The following POLR3B variants were observed in gnomAD, a reference collection of about 807,000 sequenced individuals.
POLR3B encodes RNA polymerase III subunit B, also known as DNA-directed RNA polymerase III subunit RPC2.
POLR3B carries 96 observed loss-of-function variants against 147.4 expected under a neutral mutation model. That is an observed-to-expected ratio of 0.65 (90% CI 0.55 to 0.77). POLR3B has a LOEUF of 0.77. POLR3B is among the 30% of genes least tolerant of loss of function. POLR3B has a pLI of 0.00. For missense variants in POLR3B, 1,036 were observed against 1,413.5 expected, an observed-to-expected ratio of 0.73 and a Z score of 4.28; for synonymous variants, 461 against 485.9, an observed-to-expected ratio of 0.95 and a Z score of 0.67.
intron 12 of POLR3B, among the ~76,000 whole-genome samples, chr12:106,411,993 C>T (rs2037233294): frequency 6.6e-6 from 1 of 152,254 alleles, no homozygotes; most frequent in East Asian, 1.9e-4. Flanking sequence ...TTTTTATTTA[C>T]ATCCTTGTAT....
chr12:106,471,865 CTT>C (rs557095732), intron 23 of POLR3B, among the ~76,000 whole-genome samples: 4 of 143,608 alleles, frequency 2.8e-5, no homozygotes, highest in Admixed American at 7.0e-5. Flanking sequence ...CAAAGCAGTG[CTT>C]TTTTTTTTTT....
At chr12:106,433,901 T>C (rs779845811) in intron 16 of POLR3B, 29 bp downstream of exon 16, 2 of 1,580,894 alleles carry the variant, frequency 1.3e-6, no homozygotes, top group Non-Finnish European at 1.7e-6. Context: ...AAAAAGAGTT[T>C]TTAAGAATCT....
intron 9 of POLR3B, among the ~76,000 whole-genome samples, 153 bp downstream of exon 9, chr12:106,380,292 G>A (rs1252772867): frequency 1.3e-5 from 2 of 151,982 alleles, no homozygotes; most frequent in Non-Finnish European, 2.9e-5. Flanking sequence ...ATTGAAAGCT[G>A]GCTGGGCGTG....
intron 23 of POLR3B, 126 bp from the exon 24 acceptor site, chr12:106,495,929 T>C: frequency 1.3e-6 from 1 of 774,220 alleles, no homozygotes; most frequent in Non-Finnish European, 2.4e-6. Context: ...TTGCTCTTGA[T>C]AGAGGCCATG....
At chr12:106,446,967 T>C (rs1415696422) in intron 19 of POLR3B, among the ~76,000 whole-genome samples, 2 of 152,200 alleles carry the variant, frequency 1.3e-5, no homozygotes, top group Non-Finnish European at 2.9e-5. Flanking sequence ...AGGTCTGTAA[T>C]GCAGACTTCG....
At chr12:106,407,377 C>T (rs890833928) in intron 11 of POLR3B, among the ~76,000 whole-genome samples, 2 of 152,052 alleles carry the variant, frequency 1.3e-5, no homozygotes, top group African/African-American at 2.4e-5. Context: ...TGTGATGATT[C>T]GGAGATATAA....
intron 23 of POLR3B, 83 bp from the exon 24 acceptor site, chr12:106,495,972 G>T: frequency 3.6e-6 from 3 of 827,952 alleles, no homozygotes; most frequent in Non-Finnish European, 6.5e-6. Flanking sequence ...AATAGAGATA[G>T]CAGCGGGGAG....
chr12:106,371,332 C>T (rs1043544190), intron 6 of POLR3B, among the ~76,000 whole-genome samples: 8 of 152,170 alleles, frequency 5.3e-5, no homozygotes, highest in East Asian at 1.9e-4. Context: ...CACATTTACT[C>T]TGTTGGTGGG....
At chr12:106,445,009 T>C (rs1045179975) in intron 19 of POLR3B, among the ~76,000 whole-genome samples, 1 of 152,190 alleles carries the variant, frequency 6.6e-6, no homozygotes, top group Non-Finnish European at 1.5e-5. Context: ...ACCTAGTAAT[T>C]GCCTGATTGA....
intron 23 of POLR3B, among the ~76,000 whole-genome samples, chr12:106,472,431 T>C (rs1451403767): frequency 5.4e-5 from 8 of 148,590 alleles, no homozygotes; most frequent in Non-Finnish European, 9.0e-5. Flanking sequence ...CCCTGAGGAA[T>C]CGCCACACTG....
At chr12:106,506,612 T>C (rs2038692240) in intron 27 of POLR3B, among the ~76,000 whole-genome samples, 1 of 152,220 alleles carries the variant, frequency 6.6e-6, no homozygotes, top group Non-Finnish European at 1.5e-5. Context: ...CTGATGGCAG[T>C]GTCTGATTTT....
At chr12:106,417,524 A>G (rs1221124484) in intron 12 of POLR3B, among the ~76,000 whole-genome samples, 1 of 152,140 alleles carries the variant, frequency 6.6e-6, no homozygotes, top group Non-Finnish European at 1.5e-5. Flanking sequence ...CGAAGAGTGG[A>G]CCGGCTAGAA....
chr12:106,459,681 A>G (rs896228445), intron 22 of POLR3B, among the ~76,000 whole-genome samples: 7 of 152,138 alleles, frequency 4.6e-5, no homozygotes, highest in Non-Finnish European at 8.8e-5. Flanking sequence ...CTAGGTTGTG[A>G]AAGAGTTGGG....
chr12:106,357,840 C>A lies in POLR3B; in HGVS notation c.-40C>A, dbSNP rs1259261264. 6.3e-7 allele frequency: 1 copy of A among 1,591,996 alleles called. No homozygotes were observed. The highest frequency in any genetic ancestry group is 2.3e-5 in the East Asian group (1 of 44,404). ...GTTTGCTTGGTGCAGGGAAGGCGGG[C>A]GCGGAGGTTCTATCTGTTTCTTCCT... On this transcript the variant is annotated 5_prime_UTR_variant, in exon 1 of 28. Coordinates refer to ENST00000228347, the MANE Select transcript of POLR3B (RefSeq NM_018082.6).
At chr12:106,358,861 T>C (rs2036426484) in intron 1 of POLR3B, among the ~76,000 whole-genome samples, 1 of 152,164 alleles carries the variant, frequency 6.6e-6, no homozygotes, top group Non-Finnish European at 1.5e-5. Flanking sequence ...GCTTGGACTT[T>C]GTCTTGGAGC....
intron 19 of POLR3B, among the ~76,000 whole-genome samples, chr12:106,453,028 T>TC (rs369792568): frequency 7.5e-5 from 11 of 145,950 alleles, no homozygotes; most frequent in African/African-American, 2.5e-4. Flanking sequence ...CTTTTCTTCT[T>TC]TTTTTTTTTT....
At chr12:106,439,647 A>G (rs1423089969) in intron 18 of POLR3B, among the ~76,000 whole-genome samples, 1 of 152,104 alleles carries the variant, frequency 6.6e-6, no homozygotes, top group Non-Finnish European at 1.5e-5. Flanking sequence ...TGTTGCCAAT[A>G]TATATATTGC....
At chr12:106,447,226 G>T (rs2037735856) in intron 19 of POLR3B, among the ~76,000 whole-genome samples, 1 of 152,012 alleles carries the variant, frequency 6.6e-6, no homozygotes, top group African/African-American at 2.4e-5. Context: ...TGGAAAATTT[G>T]CTCTCTACCA....
chr12:106,409,374 T>TTTTTTG (rs2037193443), intron 11 of POLR3B, among the ~76,000 whole-genome samples: 3 of 146,156 alleles, frequency 2.1e-5, no homozygotes, highest in African/African-American at 5.1e-5. Context: ...TTTTTTTTCT[T>TTTTTTG]GAGGATGGAC....
Sources: allele counts gnomAD v4.1 joint callset (sites outside exome capture counted in the v4.1 genomes callset), GRCh38; gene constraint gnomAD v4.1.1; transcripts MANE v1.5; gene names NCBI Gene and HGNC (gene_info 2026-07-23, HGNC 2026-07-21).